Variants in ARHGAP26 observed in about 807,000 individuals in gnomAD.
ARHGAP26 encodes the protein Rho GTPase activating protein 26, also known as rho GTPase-activating protein 26.
In ARHGAP26, 38 loss-of-function variants were observed where a neutral mutation model predicts 104.8. The observed-to-expected ratio is 0.36, with a 90% CI of 0.28 to 0.48. The LOEUF is 0.48. Ranked by LOEUF, ARHGAP26 falls within the 20% of genes least tolerant of loss-of-function variation. ARHGAP26 has a pLI of 0.99. For missense variants in ARHGAP26, 704 were observed against 947.9 expected (o/e 0.74, Z 3.38); for synonymous variants, 341 against 340.0 (o/e 1.00, Z -0.03).
At chr5:143,077,603 G>A (rs1789225679) in intron 17 of ARHGAP26, among the ~76,000 whole-genome samples, 1 of 152,196 alleles carries the variant, frequency 6.6e-6, no homozygotes, top group South Asian at 2.1e-4. Context: ...ACTAGGACTA[G>A]GGCTCCTGGC....
intron 18 of ARHGAP26, among the ~76,000 whole-genome samples, chr5:143,128,780 A>G (rs907028569): frequency 6.6e-6 from 1 of 152,176 alleles, no homozygotes; most frequent in African/African-American, 2.4e-5. Flanking sequence ...GTCTCGAGAA[A>G]ATGCTCAGTC....
At chr5:142,923,620 C>A (rs1330996513) in intron 10 of ARHGAP26, among the ~76,000 whole-genome samples, 1 of 152,152 alleles carries the variant, frequency 6.6e-6, no homozygotes, top group Non-Finnish European at 1.5e-5. Flanking sequence ...CAGTCAATAT[C>A]TGTTGCATTT....
chr5:142,855,063 T>C (rs954577491), intron 1 of ARHGAP26, among the ~76,000 whole-genome samples: 1 of 152,010 alleles, frequency 6.6e-6, no homozygotes, highest in African/African-American at 2.4e-5. Flanking sequence ...AGGCACTAGA[T>C]AAAAGAAGAA....
intron 20 of ARHGAP26, chr5:143,202,260 C>T (rs898152318): frequency 6.6e-6 from 1 of 151,482 alleles, no homozygotes; most frequent in Non-Finnish European, 1.5e-5. Flanking sequence ...ATTGCAACCC[C>T]TGCTTTTTTT....
Position 143,060,184 on chromosome 5 carries a change from G to C in ARHGAP26, c.1538+2437G>C, listed in dbSNP as rs375115590. 2.3e-4 allele frequency among the ~76,000 whole-genome samples: 35 copies of C among 152,258 alleles called. No individual in the cohort carries two copies. The South Asian group carries it at 3.7e-3, about 16-fold the overall frequency. On this transcript the variant is annotated intron_variant, in intron 17 of 22. Coordinates refer to ENST00000645722, the MANE Select transcript of ARHGAP26 (RefSeq NM_001135608.3). ...TATGCCTGAGCTATTGTTCCTCTGG[G>C]CTACTTACTTAATGGTCAGCTTCCT...
intron 11 of ARHGAP26, among the ~76,000 whole-genome samples, chr5:142,934,246 C>T (rs868279665): frequency 9.9e-5 from 15 of 152,138 alleles, no homozygotes; most frequent in Admixed American, 8.5e-4. Flanking sequence ...TTCAGTTTTC[C>T]TGTAGATTAA....
At chr5:143,021,316 T>C (rs1440716712) in intron 12 of ARHGAP26, among the ~76,000 whole-genome samples, 1 of 152,228 alleles carries the variant, frequency 6.6e-6, no homozygotes, top group East Asian at 1.9e-4. Context: ...TCACCTGTCA[T>C]GGTTGTTTAA....
In ARHGAP26 at chr5:142,770,689, C is replaced by A; in HGVS notation, c.-73C>A. On this transcript the variant is annotated 5_prime_UTR_variant, in exon 1 of 23. Coordinates refer to ENST00000645722, the MANE Select transcript of ARHGAP26 (RefSeq NM_001135608.3). ...GGGGGAGCCGGCCGGGGTCCCGCCG[C>A]GTGAGTGCTCTGGGCGGCGGGCGGC... The A allele has an allele frequency of 9.6e-7, 1 of 1,039,150 alleles. No individual in the cohort carries two copies. Among genetic ancestry groups the A allele is most frequent in the African/African-American group, 1.7e-5 (1 of 58,200 alleles). 64.4% of individuals were successfully genotyped at this position (1,039,150 alleles called of 1,614,324 possible). A position where few individuals can be genotyped will look rare whatever the true frequency, so the allele number is the denominator to read the frequency against.
At chr5:143,221,907 T>G (rs1811199879) in intron 22 of ARHGAP26, among the ~76,000 whole-genome samples, 1 of 136,318 alleles carries the variant, frequency 7.3e-6, no homozygotes, top group African/African-American at 2.9e-5. Flanking sequence ...ACTGGGCAGG[T>G]GGGTGGGTGG....
intron 12 of ARHGAP26, among the ~76,000 whole-genome samples, chr5:143,028,617 A>G (rs551603060): frequency 6.6e-5 from 10 of 152,316 alleles, no homozygotes; most frequent in Non-Finnish European, 1.3e-4. Context: ...CCCAGTTGCT[A>G]TACATTTCAT....
rs531933839 is a variant in ARHGAP26 at position 142,850,792 on chromosome 5, C to T, written c.155-22608C>T. Reference sequence around the variant, plus strand: ...TTTTGTATTATGCAGAGCCCTGTGCCTCATATGTAGCAAATAAGGAATAGC... The same window carrying T: ...TTTTGTATTATGCAGAGCCCTGTGCTTCATATGTAGCAAATAAGGAATAGC... On this transcript the variant is annotated intron_variant, in intron 1 of 22. Transcript: ENST00000645722. 2.2e-4 allele frequency among the ~76,000 whole-genome samples: 33 copies of T among 152,272 alleles called. No individual in the cohort carries two copies. The South Asian group carries it at 6.8e-3, about 32-fold the overall frequency.
chr5:142,853,780 T>TA, intron 1 of ARHGAP26, among the ~76,000 whole-genome samples: 1 of 152,320 alleles, frequency 6.6e-6, no homozygotes, highest in South Asian at 2.1e-4. Context: ...AGGCAGCACT[T>TA]ACCTTTTCCA....
At chr5:143,110,205 C>T (rs531276385) in intron 17 of ARHGAP26, among the ~76,000 whole-genome samples, 25 of 152,318 alleles carry the variant, frequency 1.6e-4, no homozygotes, top group Admixed American at 1.2e-3. Flanking sequence ...TTCATCATAG[C>T]ACCATATATT....
chr5:142,856,724 A>G (rs1284741032), intron 1 of ARHGAP26, among the ~76,000 whole-genome samples: 1 of 152,136 alleles, frequency 6.6e-6, no homozygotes, highest in East Asian at 1.9e-4. Context: ...TAGCATTTAC[A>G]TTGTATTAGG....
At chr5:142,796,143 T>C (rs1210520100) in intron 1 of ARHGAP26, among the ~76,000 whole-genome samples, 1 of 151,890 alleles carries the variant, frequency 6.6e-6, no homozygotes, top group Non-Finnish European at 1.5e-5. Context: ...ATGTTTGCCA[T>C]TGTTCATTTC....
At chr5:142,864,427 A>G (rs565099724) in intron 1 of ARHGAP26, among the ~76,000 whole-genome samples, 1 of 152,364 alleles carries the variant, frequency 6.6e-6, no homozygotes, top group East Asian at 1.9e-4. Context: ...TAGTTAAAAA[A>G]TGGTCCATCC....
intron 1 of ARHGAP26, among the ~76,000 whole-genome samples, chr5:142,790,765 A>G (rs1358727234): frequency 6.6e-6 from 1 of 152,128 alleles, no homozygotes; most frequent in East Asian, 1.9e-4. Flanking sequence ...CCTTTGCTAC[A>G]GGTTTTTATG....
At chr5:142,807,883 A>G (rs1018041389) in intron 1 of ARHGAP26, among the ~76,000 whole-genome samples, 2 of 152,184 alleles carry the variant, frequency 1.3e-5, no homozygotes, top group African/African-American at 4.8e-5. Context: ...ATCTCTTAGA[A>G]AGATGGGTTG....
chr5:142,831,746 C>T (rs958196744), intron 1 of ARHGAP26, among the ~76,000 whole-genome samples: 2 of 152,130 alleles, frequency 1.3e-5, no homozygotes, highest in African/African-American at 2.4e-5. Context: ...CCACCTCCTC[C>T]CTTTACCTTA....
Sources: gnomAD v4.1 joint callset for allele counts (sites outside exome capture counted in the v4.1 genomes callset) on GRCh38, gnomAD v4.1.1 for gene constraint, MANE v1.5 for transcripts, NCBI Gene and HGNC (gene_info 2026-07-23, HGNC 2026-07-21) for gene names.